DLGAP2: variants seen among roughly 807,000 people sequenced by gnomAD.
The protein encoded by DLGAP2 is DLG associated protein 2.
In DLGAP2, 26 loss-of-function variants were observed where a neutral mutation model predicts 100.3. The observed-to-expected ratio is 0.26, with a 90% CI of 0.19 to 0.36. The LOEUF is 0.36. Among genes scored for constraint, DLGAP2 ranks in the 10% least tolerant of loss-of-function variants. The pLI is 1.00. For synonymous variants in DLGAP2, 886 were observed against 630.1 expected (o/e 1.41, Z -6.08); for missense variants, 1,858 against 1,453.2 (o/e 1.28, Z -4.53).
chr8:1,160,532 G>A (rs1378916931), intron 2 of DLGAP2, among the ~76,000 whole-genome samples: 1 of 152,220 alleles, frequency 6.6e-6, no homozygotes, highest in East Asian at 1.9e-4. Flanking sequence ...TGGTCCACGT[G>A]TTTTTGCTTT....
intron 3 of DLGAP2, among the ~76,000 whole-genome samples, chr8:1,365,787 G>T (rs1802095181): frequency 6.6e-6 from 1 of 152,222 alleles, no homozygotes; most frequent in Non-Finnish European, 1.5e-5. Context: ...GAAGGCACGT[G>T]GGGGACCAGA....
At chr8:961,535 A>G (rs1309264758) in intron 2 of DLGAP2, among the ~76,000 whole-genome samples, 4 of 152,208 alleles carry the variant, frequency 2.6e-5, no homozygotes, top group Non-Finnish European at 5.9e-5. Flanking sequence ...CTTTCTGAAT[A>G]TCATTTCTAT....
intron 3 of DLGAP2, among the ~76,000 whole-genome samples, chr8:1,316,828 C>G (rs369244998): frequency 3.4e-4 from 44 of 129,170 alleles, no homozygotes; most frequent in South Asian, 7.6e-4. Flanking sequence ...AAAATAGAGC[C>G]TGTGCGAGTG....
chr8:1,708,441 A>G lies in DLGAP2; in HGVS notation c.*7035A>G, dbSNP rs1207238513. On this transcript the variant is annotated 3_prime_UTR_variant, in exon 15 of 15. Coordinates refer to ENST00000637795, the MANE Select transcript of DLGAP2 (RefSeq NM_001346810.2). The stretch of plus-strand genomic sequence containing the variant: ...TATGCAAAATGGTATAGATTAAATG[A>G]GTTTTTAATTAATAAATCCTACAGT... 6.6e-6 allele frequency: 1 copy of G among 152,248 alleles called. No homozygotes were observed. Among genetic ancestry groups the G allele is most frequent in the East Asian group, 1.9e-4 (1 of 5,204 alleles). 9.4% of individuals were successfully genotyped at this position (152,248 alleles called of 1,614,324 possible). A position where few individuals can be genotyped will look rare whatever the true frequency, so the allele number is the denominator to read the frequency against.
intron 4 of DLGAP2, among the ~76,000 whole-genome samples, chr8:1,501,738 C>G (rs983473722): frequency 5.3e-5 from 8 of 152,188 alleles, no homozygotes; most frequent in African/African-American, 1.9e-4. Flanking sequence ...TAAACATATT[C>G]TAAGCAAACT....
intron 1 of DLGAP2, chr8:822,259 T>C: frequency 2.5e-6 from 1 of 399,442 alleles, no homozygotes; most frequent in Non-Finnish European, 4.4e-6. Flanking sequence ...CAGCATTTGC[T>C]TACTTCCTGC....
intron 3 of DLGAP2, among the ~76,000 whole-genome samples, chr8:1,422,995 T>C (rs530610027): frequency 6.6e-6 from 1 of 152,274 alleles, no homozygotes; most frequent in East Asian, 1.9e-4. Flanking sequence ...TATATGTGAC[T>C]GTGGCTACAT....
chr8:1,211,618 G>A (rs1193487666), intron 2 of DLGAP2, among the ~76,000 whole-genome samples: 2 of 152,216 alleles, frequency 1.3e-5, no homozygotes, highest in Non-Finnish European at 1.5e-5. Flanking sequence ...GCACACGCCT[G>A]TAATCCCAGC....
At chr8:957,463 C>G (rs1483174091) in intron 2 of DLGAP2, among the ~76,000 whole-genome samples, 1 of 152,234 alleles carries the variant, frequency 6.6e-6, no homozygotes, top group Non-Finnish European at 1.5e-5. Flanking sequence ...GCTCAGAACT[C>G]TCATATGTCC....
chr8:1,567,589 T>C (rs1802453911), intron 6 of DLGAP2, among the ~76,000 whole-genome samples: 1 of 152,052 alleles, frequency 6.6e-6, no homozygotes, highest in African/African-American at 2.4e-5. Flanking sequence ...CTGCCACGGG[T>C]CCCCCAGGAT....
intron 2 of DLGAP2, among the ~76,000 whole-genome samples, chr8:1,097,827 G>A: frequency 7.0e-6 from 1 of 143,730 alleles, no homozygotes; most frequent in Non-Finnish European, 1.5e-5. Context: ...GGAGAGTCGA[G>A]CTGGCAGCCC....
At chr8:1,321,510 C>G (rs1335711580) in intron 3 of DLGAP2, among the ~76,000 whole-genome samples, 3 of 152,262 alleles carry the variant, frequency 2.0e-5, no homozygotes, top group Non-Finnish European at 2.9e-5. Context: ...TGCTGCTTGG[C>G]TGTCATGGGA....
chr8:1,158,323 CTG>C (rs1360298601), intron 2 of DLGAP2, among the ~76,000 whole-genome samples: 1 of 152,170 alleles, frequency 6.6e-6, no homozygotes, highest in Non-Finnish European at 1.5e-5. Flanking sequence ...GTACATGTAT[CTG>C]TGTGTTATAT....
intron 3 of DLGAP2, among the ~76,000 whole-genome samples, chr8:1,424,204 A>C (rs1797178099): frequency 6.6e-6 from 1 of 152,244 alleles, no homozygotes; most frequent in African/African-American, 2.4e-5. Context: ...CTAGAAATTC[A>C]GCTAGTCTTA....
intron 2 of DLGAP2, among the ~76,000 whole-genome samples, chr8:1,201,503 G>C (rs1562920): frequency 2.0e-5 from 3 of 152,122 alleles, no homozygotes; most frequent in Admixed American, 1.3e-4. Context: ...CCTGGGGACA[G>C]TGTGCTTCAG....
intron 2 of DLGAP2, among the ~76,000 whole-genome samples, chr8:1,212,059 A>G (rs529046518): frequency 6.6e-6 from 1 of 152,296 alleles, no homozygotes; most frequent in East Asian, 1.9e-4. Context: ...GTGGGCACAC[A>G]ATTATTTTAT....
chr8:1,539,515 C>G lies in DLGAP2; in HGVS notation c.173-9111C>G, dbSNP rs576312426. Among the ~76,000 whole-genome samples the G allele has an allele frequency of 3.3e-5, 5 of 152,252 alleles. No homozygotes were observed. In the East Asian group the frequency reaches 7.8e-4, roughly 24 times the overall value. ...TTTAACTTGTGCCTGGAGCCAGAAGCGCGACGCAGAGTGGACTGGGGTGCA... is the reference window on the plus strand; with the variant it reads ...TTTAACTTGTGCCTGGAGCCAGAAGGGCGACGCAGAGTGGACTGGGGTGCA... On this transcript the variant is annotated intron_variant, in intron 4 of 14. Transcript: ENST00000637795.
At chr8:1,646,640 T>C (rs996491380) in intron 8 of DLGAP2, among the ~76,000 whole-genome samples, 1 of 152,138 alleles carries the variant, frequency 6.6e-6, no homozygotes, top group Non-Finnish European at 1.5e-5. Flanking sequence ...CTTCAGTCCT[T>C]GTAGCTGTGT....
intron 3 of DLGAP2, among the ~76,000 whole-genome samples, chr8:1,499,476 G>A (rs1799645253): frequency 1.3e-5 from 2 of 152,210 alleles, no homozygotes; most frequent in South Asian, 4.1e-4. Context: ...GGTCTCCATG[G>A]AAACTGTAGT....
Sources: gnomAD v4.1 joint callset for allele counts (sites outside exome capture counted in the v4.1 genomes callset) on GRCh38, gnomAD v4.1.1 for gene constraint, MANE v1.5 for transcripts, NCBI Gene and HGNC (gene_info 2026-07-23, HGNC 2026-07-21) for gene names.